The following LONRF1 variants were observed in gnomAD, a reference collection of about 807,000 sequenced individuals.
The protein encoded by LONRF1 is LON peptidase N-terminal domain and ring finger 1, also known as LON peptidase N-terminal domain and RING finger protein 1.
In LONRF1, 37 loss-of-function variants were observed where a neutral mutation model predicts 85.8. That is an observed-to-expected ratio of 0.43 (90% CI 0.33 to 0.57). The LOEUF is 0.57. Ranked by LOEUF, LONRF1 falls within the 20% of genes least tolerant of loss-of-function variation. The pLI is 0.04. For missense variants in LONRF1, 1,036 were observed against 978.0 expected (o/e 1.06, Z -0.79); for synonymous variants, 517 against 390.1 (o/e 1.33, Z -3.83).
At chr8:12,754,525 C>G (rs1337928075) in intron 1 of LONRF1, among the ~76,000 whole-genome samples, 175 bp downstream of exon 1, 1 of 151,950 alleles carries the variant, frequency 6.6e-6, no homozygotes, top group African/African-American at 2.4e-5. Context: ...CCGAAGCACC[C>G]CGGGGCGCCG....
At chr8:12,726,248 A>G (rs1350430485) in intron 10 of LONRF1, among the ~76,000 whole-genome samples, 2 of 152,226 alleles carry the variant, frequency 1.3e-5, no homozygotes, top group East Asian at 3.8e-4. Flanking sequence ...AGTGGAACAA[A>G]AAAGTGGATG....
At chr8:12,745,379 C>A (rs1291506198) in intron 1 of LONRF1, among the ~76,000 whole-genome samples, 2 of 122,290 alleles carry the variant, frequency 1.6e-5, no homozygotes, top group Admixed American at 9.1e-5. Flanking sequence ...ACTTCCAATA[C>A]TTTTAAAAAA....
At chr8:12,742,100 T>A (rs1348979199) in intron 2 of LONRF1, among the ~76,000 whole-genome samples, 1 of 152,212 alleles carries the variant, frequency 6.6e-6, no homozygotes, top group Non-Finnish European at 1.5e-5. Flanking sequence ...ATCACTTCTG[T>A]GGCAAATCCA....
intron 8 of LONRF1, among the ~76,000 whole-genome samples, chr8:12,731,357 C>T (rs977405629): frequency 6.6e-6 from 1 of 152,128 alleles, no homozygotes; most frequent in Non-Finnish European, 1.5e-5. Flanking sequence ...CAGAAAATCC[C>T]CTGCTAATCT....
chr8:12,750,001 T>C (rs1799314646), intron 1 of LONRF1, among the ~76,000 whole-genome samples: 1 of 152,236 alleles, frequency 6.6e-6, no homozygotes, highest in Admixed American at 6.5e-5. Context: ...AAGAATATTT[T>C]AGATTTATGT....
intron 5 of LONRF1, 51 bp downstream of exon 5, chr8:12,736,849 T>C: frequency 6.3e-7 from 1 of 1,575,448 alleles, no homozygotes; most frequent in Non-Finnish European, 8.6e-7. Flanking sequence ...CTTTAAAGAC[T>C]ATTCTGACTA....
At position 12,755,306 on chromosome 8, in the gene LONRF1, C is replaced by A; in HGVS notation, c.115G>T (p.Glu39Ter). Residue 39 changes from glutamate to a stop codon, truncating the protein, a stop_gained, in exon 1 of 12, where the codon GAG (glutamate) becomes TAG (stop). Coordinates refer to ENST00000398246, the MANE Select transcript of LONRF1 (RefSeq NM_152271.5). LOFTEE classifies it high-confidence loss of function. Reference protein sequence around the residue: ...EVGGGSGHRLERAAAESERWE... With the variant: ...EVGGGSGHRL ...CGCTCCGACTCCGCGGCCGCGCGCT[C>A]CAGCCGATGGCCGCTGCCGCCGCCC... The A allele has an allele frequency of 8.0e-7, 1 of 1,250,646 alleles. No homozygotes were observed. The highest frequency in any genetic ancestry group is 2.6e-5 in the South Asian group (1 of 38,242). 77.5% of individuals were successfully genotyped at this position (1,250,646 alleles called of 1,614,324 possible).
chr8:12,736,214 C>T (rs1042333144), intron 6 of LONRF1, among the ~76,000 whole-genome samples: 1 of 152,100 alleles, frequency 6.6e-6, no homozygotes, highest in Non-Finnish European at 1.5e-5. Context: ...TATTTCAAAA[C>T]ATTTAGTCTT....
intron 10 of LONRF1, among the ~76,000 whole-genome samples, chr8:12,726,609 A>G (rs1389523490): frequency 3.9e-5 from 6 of 152,198 alleles, no homozygotes; most frequent in South Asian, 4.1e-4. Context: ...AGGTGGGAAG[A>G]TCTAAGTTTA....
rs1179897164 is a variant in LONRF1 at position 12,754,794 on chromosome 8, G to C, written c.627C>G (p.Arg209=). The part of the protein sequence containing the change: ...HLAEKWFPGQ[R]ERARAAGRLG... ...GCCTGCCGGCCGCCCGGGCCCGCTCGCGCTGGCCCGGAAACCACTTCTCGG... is the reference window on the plus strand; with the variant it reads ...GCCTGCCGGCCGCCCGGGCCCGCTCCCGCTGGCCCGGAAACCACTTCTCGG... The change falls in exon 1 of 12, where the codon CGC becomes CGG. Residue 209 remains arginine (R), a synonymous_variant. Coordinates refer to ENST00000398246, the MANE Select transcript of LONRF1 (RefSeq NM_152271.5). The C allele has an allele frequency of 6.1e-6, 9 of 1,483,372 alleles. No homozygotes were observed. In the East Asian group the frequency reaches 2.3e-4, roughly 38 times the overall value. The allele number at this position is 1,483,372 out of a possible 1,614,324, so 91.9% of individuals were successfully genotyped here.
rs765464518 is a variant in LONRF1, at chr8:12,729,160, C to G, written c.1847+14G>C. 6.2e-7 allele frequency: 1 copy of G among 1,613,428 alleles called. No individual in the cohort carries two copies. Among genetic ancestry groups the G allele is most frequent in the Admixed American group, 1.7e-5 (1 of 59,968 alleles). ...TAACATAAATACAAATATTTAGGTT[C>G]ACAAAAAGCATACCTATTTTGTGTA... On this transcript the variant is annotated intron_variant, in intron 9 of 11. Coordinates refer to ENST00000398246, the MANE Select transcript of LONRF1 (RefSeq NM_152271.5).
intron 1 of LONRF1, chr8:12,752,940 C>G (rs540179245): frequency 6.6e-6 from 1 of 152,220 alleles, no homozygotes. Context: ...GCGGAAGATA[C>G]AGCACTGCCT....
At chr8:12,723,945 G>C (rs1179430943) in intron 11 of LONRF1, among the ~76,000 whole-genome samples, 1 of 152,162 alleles carries the variant, frequency 6.6e-6, no homozygotes, top group Non-Finnish European at 1.5e-5. Context: ...GAAACAACTA[G>C]AAATTTCCAT....
In LONRF1 at chr8:12,741,076, T is replaced by C. The variant is rs181158893; in HGVS notation, c.841-80A>G. On this transcript the variant is annotated intron_variant, in intron 2 of 11. Coordinates refer to ENST00000398246, the MANE Select transcript of LONRF1 (RefSeq NM_152271.5). The stretch of plus-strand genomic sequence containing the variant: ...ATCATTATCAAGTAAAGAAAAACAA[T>C]AGTCTGCTCAGCAGTGCCGATTCTG... 421 of 1,535,386 alleles carry C rather than the reference T, an allele frequency of 2.7e-4. 4 individuals are homozygous for C. In the Middle Eastern group the frequency reaches 3.2e-3, roughly 12 times the overall value.
intron 1 of LONRF1, 140 bp from the exon 2 acceptor site, chr8:12,743,422 G>A (rs1799018690): frequency 1.7e-6 from 1 of 594,472 alleles, no homozygotes; most frequent in South Asian, 2.3e-5. Context: ...TAAGCCAAAG[G>A]CAGTATAGGC....
chr8:12,751,296 G>GTTTTTTTTTTTTTTTTT (rs869038024), intron 1 of LONRF1, among the ~76,000 whole-genome samples: 22 of 69,526 alleles, frequency 3.2e-4, no homozygotes, highest in Non-Finnish European at 3.7e-4. Flanking sequence ...TTATTTTTAT[G>GTTTTTTTTTTTTTTTTT]TTTTTTTTTT....
In LONRF1 at chr8:12,739,693, T is replaced by C. The variant is rs115155786; in HGVS notation, c.963+1181A>G. On this transcript the variant is annotated intron_variant, in intron 3 of 11. Transcript: ENST00000398246. ...TCTAAAGCATTATTTGTTTTGCATCTACCTGATCCTATTAACCAGCAAACA... is the reference window on the plus strand; with the variant it reads ...TCTAAAGCATTATTTGTTTTGCATCCACCTGATCCTATTAACCAGCAAACA... Among the ~76,000 whole-genome samples the C allele has an allele frequency of 5.5e-3, 845 of 152,328 alleles. 6 individuals are homozygous for C. Among genetic ancestry groups the C allele is most frequent in the African/African-American group, 0.02 (811 of 41,562 alleles).
intron 11 of LONRF1, among the ~76,000 whole-genome samples, chr8:12,725,436 T>C (rs2117218378): frequency 6.6e-6 from 1 of 152,300 alleles, no homozygotes; most frequent in South Asian, 2.1e-4. Context: ...ATCCCGTTTT[T>C]AATTCCTTAC....
At chr8:12,728,610 T>A (rs1798409302) in intron 10 of LONRF1, among the ~76,000 whole-genome samples, 1 of 152,232 alleles carries the variant, frequency 6.6e-6, no homozygotes. Context: ...ACCTATCACG[T>A]GTATACACAC....
Sources: gnomAD v4.1 joint callset for allele counts (sites outside exome capture counted in the v4.1 genomes callset) on GRCh38, gnomAD v4.1.1 for gene constraint, MANE v1.5 for transcripts, NCBI Gene and HGNC (gene_info 2026-07-23, HGNC 2026-07-21) for gene names.